Variants in DPP9 observed in about 807,000 individuals in gnomAD.
DPP9 encodes the protein dipeptidyl peptidase 9.
In DPP9, 50 loss-of-function variants were observed where a neutral mutation model predicts 110.7. The observed-to-expected ratio is 0.45, with a 90% confidence interval of 0.36 to 0.57. The LOEUF (loss-of-function observed/expected upper bound fraction) is 0.57. DPP9 is among the 20% of genes least tolerant of loss of function. The pLI is 0.00. For synonymous variants in DPP9, 561 were observed against 514.4 expected (o/e 1.09, Z -1.23); for missense variants, 1,022 against 1,217.9 (o/e 0.84, Z 2.39).
At chr19:4,683,266 G>A in intron 19 of DPP9, 1 of 1,436,946 alleles carries the variant, frequency 7.0e-7, no homozygotes, top group Non-Finnish European at 9.1e-7. Flanking sequence ...GCAGCCGGAT[G>A]CCATCCTGCG....
intron 1 of DPP9, 22 bp from the exon 2 acceptor site, chr19:4,722,573 T>C (rs1448468504): frequency 1.4e-6 from 1 of 702,990 alleles, no homozygotes; most frequent in Admixed American, 2.0e-5. Context: ...AAACATGTCA[T>C]GAATGTGGCA....
chr19:4,694,310 G>A lies in DPP9; in HGVS notation c.1516+351C>T, dbSNP rs2091595103. On this transcript the variant is annotated intron_variant, in intron 13 of 21. Transcript: ENST00000262960. This position sits in a 1 kb window ranked among gnomAD's most constrained non-coding sequence, Gnocchi z 4.0. ...TGCAGCACAAAAGCGACCACAGACA[G>A]TCTCTGTAAACAAGTGGCTGTGGCT... 1 of 440,670 alleles carries A rather than the reference G, an allele frequency of 2.3e-6. No individual in the cohort carries two copies. Among genetic ancestry groups the A allele is most frequent in the Non-Finnish European group, 4.0e-6 (1 of 248,466 alleles). 27.3% of individuals were successfully genotyped at this position (440,670 alleles called of 1,614,324 possible). A position where few individuals can be genotyped will look rare whatever the true frequency, so the allele number is the denominator to read the frequency against.
At position 4,695,576 on chromosome 19, in the gene DPP9, G is replaced by C; in HGVS notation, c.1176-21C>G. On this transcript the variant is annotated intron_variant, in intron 11 of 21. Coordinates refer to ENST00000262960, the MANE Select transcript of DPP9 (RefSeq NM_139159.5). This position sits in a 1 kb window ranked among gnomAD's most constrained non-coding sequence, Gnocchi z 4.7. Reference sequence around the variant, plus strand: ...AGGCGCTAAGGGGGAAGATGCGGGGGAAGATGAGAGGGAAGCTGGGAGCCT... The same window carrying C: ...AGGCGCTAAGGGGGAAGATGCGGGGCAAGATGAGAGGGAAGCTGGGAGCCT... 6.9e-7 allele frequency: 1 copy of C among 1,450,354 alleles called. No homozygotes were observed. Among genetic ancestry groups the C allele is most frequent in the Non-Finnish European group, 9.1e-7 (1 of 1,101,606 alleles). The allele number at this position is 1,450,354 out of a possible 1,614,324, so 89.8% of individuals were successfully genotyped here. A position where few individuals can be genotyped will look rare whatever the true frequency, so the allele number is the denominator to read the frequency against.
rs2088712625 is a variant in DPP9 at position 4,675,231 on chromosome 19, T to C, written c.*1333A>G. 3 of 152,720 alleles carry C rather than the reference T, an allele frequency of 2.0e-5. No homozygotes were observed. In the South Asian group the frequency reaches 6.2e-4, roughly 32 times the overall value. The allele number at this position is 152,720 out of a possible 1,614,324, so 9.5% of individuals were successfully genotyped here. A position where few individuals can be genotyped will look rare whatever the true frequency, so the allele number is the denominator to read the frequency against. ...GAAGGAACCTCAGGCAGGTGACATGTTTCCAACTGGAATCGTTTAATGTGT... is the reference window on the plus strand; with the variant it reads ...GAAGGAACCTCAGGCAGGTGACATGCTTCCAACTGGAATCGTTTAATGTGT... On this transcript the variant is annotated 3_prime_UTR_variant, in exon 22 of 22. Transcript: ENST00000262960.
At position 4,714,297 on chromosome 19, in the gene DPP9, T is replaced by C; in HGVS notation, c.97A>G (p.Thr33Ala). 3.2e-6 allele frequency: 5 copies of C among 1,540,128 alleles called. No homozygotes were observed. The highest frequency in any genetic ancestry group is 4.4e-6 in the Non-Finnish European group (5 of 1,146,270). Residue 33 changes from threonine to alanine, a missense_variant, in exon 4 of 22, where the codon ACC becomes GCC. By Grantham distance (58) the Thr-to-Ala change is moderately conservative. Coordinates refer to ENST00000262960, the MANE Select transcript of DPP9 (RefSeq NM_139159.5). ...CCTCGGTCGGCCGTTGGGGTCCCGG[T>C]GGTGGCCATCCTCTCAGCCCCCTCG... is the stretch of plus-strand genomic sequence containing the variant. ...NSEGAERMAT[T>A]GTPTADRGDA...
At chr19:4,703,625 C>A (rs1437252402) in intron 7 of DPP9, among the ~76,000 whole-genome samples, 1 of 150,882 alleles carries the variant, frequency 6.6e-6, no homozygotes, top group East Asian at 2.0e-4. Flanking sequence ...CTCCCGCCTG[C>A]GCTCCCGCCT....
At position 4,700,042 on chromosome 19, in the gene DPP9, C is replaced by G. The variant is rs1246702603; in HGVS notation, c.1074+174G>C. On this transcript the variant is annotated intron_variant, in intron 10 of 21. Transcript: ENST00000262960. This position sits in a 1 kb window ranked among gnomAD's most constrained non-coding sequence, Gnocchi z 4.3. ...AGCTCGCCACGCCGCATTCTAGGCA[C>G]AGGTCCAGAGACACACAGGGAAGGC... Among the ~76,000 whole-genome samples, 2 of 152,220 alleles carry G rather than the reference C, an allele frequency of 1.3e-5. No individual in the cohort carries two copies. Among genetic ancestry groups the G allele is most frequent in the Non-Finnish European group, 2.9e-5 (2 of 68,032 alleles).
chr19:4,690,960 G>GGAAA lies in DPP9; in HGVS notation c.1517-7_1517-4dup. On this transcript the variant is annotated splice_region_variant and splice_polypyrimidine_tract_variant and intron_variant, in intron 13 of 21. Coordinates refer to ENST00000262960, the MANE Select transcript of DPP9 (RefSeq NM_139159.5). ...CTTAATGGGGCACTTAAATTCATCT[G>GGAAA]GAAAGAAAGAAAGAAGGGAGGTGAA... 1.9e-6 allele frequency: 3 copies of GGAAA among 1,610,928 alleles called. No individual in the cohort carries two copies. Among genetic ancestry groups the GGAAA allele is most frequent in the Non-Finnish European group, 2.5e-6 (3 of 1,178,576 alleles).
At chr19:4,697,829 T>G (rs919995597) in intron 10 of DPP9, among the ~76,000 whole-genome samples, 178 bp from the exon 11 acceptor site, 1 of 151,902 alleles carries the variant, frequency 6.6e-6, no homozygotes, top group African/African-American at 2.4e-5. Flanking sequence ...ATGTACTGAG[T>G]TAAGACAAGG....
Position 4,685,434 on chromosome 19 carries a change from G to A in DPP9, c.2031+192C>T, listed in dbSNP as rs754038480. ...CAGGAAGGGCGGGGAGCGTGCAAACGGGCACAGAGAAAGGAGGGTGAGGGG... is the reference window on the plus strand; with the variant it reads ...CAGGAAGGGCGGGGAGCGTGCAAACAGGCACAGAGAAAGGAGGGTGAGGGG... On this transcript the variant is annotated intron_variant, in intron 17 of 21. Transcript: ENST00000262960. The surrounding 1 kb of genome is among the most constrained non-coding windows in gnomAD (Gnocchi z 5.8). 511 of 680,716 alleles carry A rather than the reference G, an allele frequency of 7.5e-4. 5 individuals are homozygous for A. Among genetic ancestry groups the A allele is most frequent in the Middle Eastern group, 2.4e-4 (1 of 4,222 alleles). 42.2% of individuals were successfully genotyped at this position (680,716 alleles called of 1,614,324 possible).
rs72977966 is a variant in DPP9 at position 4,681,081 on chromosome 19, C to T, written c.2475-1135G>A. The stretch of plus-strand genomic sequence containing the variant: ...CTGCCCTAGCCCTTCCTGTCCGATA[C>T]GGGAGCCAGTGGCCACACGTCGCCG... On this transcript the variant is annotated intron_variant, in intron 20 of 21. Coordinates refer to ENST00000262960, the MANE Select transcript of DPP9 (RefSeq NM_139159.5). 3.0e-3 allele frequency among the ~76,000 whole-genome samples: 461 copies of T among 152,316 alleles called. 1 individual carries two copies. Among genetic ancestry groups the T allele is most frequent in the Non-Finnish European group, 4.2e-3 (288 of 68,030 alleles).
In DPP9 at chr19:4,676,661, G is replaced by C. The variant is rs779256037; in HGVS notation, c.2587-5C>G. ...GTGTCTCTCGTTGGGGTAGATCTGC[G>C]GGGAGACAGGAGGCAGGGCTGGGGG... is the stretch of plus-strand genomic sequence containing the variant. On this transcript the variant is annotated splice_region_variant and splice_polypyrimidine_tract_variant and intron_variant, in intron 21 of 21. Coordinates refer to ENST00000262960, the MANE Select transcript of DPP9 (RefSeq NM_139159.5). The surrounding 1 kb of genome is among the most constrained non-coding windows in gnomAD (Gnocchi z 4.0). The C allele has an allele frequency of 8.1e-6, 13 of 1,595,246 alleles. No individual in the cohort carries two copies. The highest frequency in any genetic ancestry group is 1.0e-5 in the Non-Finnish European group (12 of 1,170,956).
Position 4,714,310 on chromosome 19 carries a change from C to T in DPP9, c.84G>A (p.Glu28=). The T allele has an allele frequency of 6.6e-7, 1 of 1,522,312 alleles. No individual in the cohort carries two copies. Among genetic ancestry groups the T allele is most frequent in the East Asian group, 2.4e-5 (1 of 41,148 alleles). 94.3% of individuals were successfully genotyped at this position (1,522,312 alleles called of 1,614,324 possible). The stretch of plus-strand genomic sequence containing the variant: ...TTGGGGTCCCGGTGGTGGCCATCCT[C>T]TCAGCCCCCTCGGAATTCAGCGAGA... The part of the protein sequence containing the change: ...RSFSLNSEGA[E]RMATTGTPTA... Residue 28 remains glutamate (E), a synonymous_variant, in exon 4 of 22, where the codon GAG becomes GAA. Coordinates refer to ENST00000262960, the MANE Select transcript of DPP9 (RefSeq NM_139159.5).
Position 4,700,771 on chromosome 19 carries a change from C to T in DPP9, c.1013-494G>A, listed in dbSNP as rs1479663034. 6.6e-6 allele frequency among the ~76,000 whole-genome samples: 1 copy of T among 152,164 alleles called. No homozygotes were observed. The highest frequency in any genetic ancestry group is 1.5e-5 in the Non-Finnish European group (1 of 68,038). ...GCCAATGGCGACAGAATAAGGGACCCAAGAGGCTTCTGAAGAGTGGGACTT... is the reference window on the plus strand; with the variant it reads ...GCCAATGGCGACAGAATAAGGGACCTAAGAGGCTTCTGAAGAGTGGGACTT... On this transcript the variant is annotated intron_variant, in intron 9 of 21. Transcript: ENST00000262960. The surrounding 1 kb of genome is among the most constrained non-coding windows in gnomAD (Gnocchi z 4.3).
At chr19:4,691,308 T>C (rs1391141803) in intron 13 of DPP9, among the ~76,000 whole-genome samples, 5 of 150,462 alleles carry the variant, frequency 3.3e-5, no homozygotes, top group Non-Finnish European at 7.4e-5. Flanking sequence ...ACCCTGTCTC[T>C]CCAAAAAAAA....
At position 4,695,164 on chromosome 19, in the gene DPP9, A is replaced by G. The variant is rs1476843607; in HGVS notation, c.1353+214T>C. 1.7e-6 allele frequency: 1 copy of G among 584,058 alleles called. No individual in the cohort carries two copies. Among genetic ancestry groups the G allele is most frequent in the African/African-American group, 1.9e-5 (1 of 52,664 alleles). 36.2% of individuals were successfully genotyped at this position (584,058 alleles called of 1,614,324 possible). ...ACCCTGTCTCTAATTAAAGAAAAAA[A>G]TAGATGAGGGGAGAGGCTCCAATGG... On this transcript the variant is annotated intron_variant, in intron 12 of 21. Coordinates refer to ENST00000262960, the MANE Select transcript of DPP9 (RefSeq NM_139159.5). The surrounding 1 kb of genome is among the most constrained non-coding windows in gnomAD (Gnocchi z 4.7).
chr19:4,676,740 C>T lies in DPP9; in HGVS notation c.2587-84G>A. The T allele has an allele frequency of 2.5e-6, 3 of 1,208,454 alleles. No homozygotes were observed. Among genetic ancestry groups the T allele is most frequent in the South Asian group, 2.6e-5 (2 of 77,220 alleles). The allele number at this position is 1,208,454 out of a possible 1,614,324, so 74.9% of individuals were successfully genotyped here. ...GCTCCTCCCTTATTCTGGCTCAGGGCATCCGGGAAGGCGCAGGTGCTCTGA... is the reference window on the plus strand; with the variant it reads ...GCTCCTCCCTTATTCTGGCTCAGGGTATCCGGGAAGGCGCAGGTGCTCTGA... On this transcript the variant is annotated intron_variant, in intron 21 of 21. Transcript: ENST00000262960. This position sits in a 1 kb window ranked among gnomAD's most constrained non-coding sequence, Gnocchi z 4.0.
chr19:4,714,412 G>T, intron 3 of DPP9, 75 bp from the exon 4 acceptor site: 1 of 1,433,246 alleles, frequency 7.0e-7, no homozygotes, highest in Non-Finnish European at 9.1e-7. Flanking sequence ...TGCCCCTTGC[G>T]AGGCACTCAG....
chr19:4,715,275 A>G (rs1599949406), intron 3 of DPP9, among the ~76,000 whole-genome samples: 1 of 152,038 alleles, frequency 6.6e-6, no homozygotes, highest in East Asian at 1.9e-4. Flanking sequence ...CGCCTCCCTC[A>G]GCTTCCCAAA....
Sources: gnomAD v4.1 joint callset for allele counts (sites outside exome capture counted in the v4.1 genomes callset) on GRCh38, gnomAD v4.1.1 for gene constraint, Gnocchi (gnomAD v3.1) non-coding constraint, MANE v1.5 for transcripts, NCBI Gene and HGNC (gene_info 2026-07-23, HGNC 2026-07-21) for gene names.